ODR4: variants seen among roughly 807,000 people sequenced by gnomAD.
The protein encoded by ODR4 is protein odr-4 homolog.
In ODR4, 47 loss-of-function variants were observed where a neutral mutation model predicts 60.2. That is an observed-to-expected ratio of 0.78 (90% CI 0.62 to 1.00). The LOEUF is 1.00. Ranked by LOEUF, ODR4 falls within the 50% of genes least tolerant of loss-of-function variation. ODR4 has a pLI of 0.00. For synonymous variants in ODR4, 178 were observed against 175.5 expected (o/e 1.01, Z -0.11); for missense variants, 488 against 530.8 (o/e 0.92, Z 0.79).
Position 186,398,349 on chromosome 1 carries a change from C to T in ODR4, c.817C>T (p.Gln273Ter). The change falls in exon 10 of 14, where the codon CAG becomes TAG. Residue 273 changes from glutamine to a stop codon, truncating the protein, a stop_gained. Coordinates refer to ENST00000287859, the MANE Select transcript of ODR4 (RefSeq NM_017847.6). LOFTEE classifies it high-confidence loss of function. ...NSDHRSTATVQICSGSVNLKG... is the reference protein window; with the variant it reads ...NSDHRSTATV Reference sequence around the variant, plus strand: ...AGACCACAGATCCACAGCCACAGTCCAGATATGTAGCGGTTCTGTAAACCT... The same window carrying T: ...AGACCACAGATCCACAGCCACAGTCTAGATATGTAGCGGTTCTGTAAACCT... 1 of 1,609,542 alleles carries T rather than the reference C, an allele frequency of 6.2e-7. No individual in the cohort carries two copies. The highest frequency in any genetic ancestry group is 8.5e-7 in the Non-Finnish European group (1 of 1,177,496).
intron 2 of ODR4, among the ~76,000 whole-genome samples, chr1:186,381,400 C>T (rs1323272475): frequency 1.3e-5 from 2 of 151,514 alleles, no homozygotes; most frequent in Non-Finnish European, 2.9e-5. Flanking sequence ...AATCTCGGCT[C>T]ACTGCAGGCT....
intron 11 of ODR4, among the ~76,000 whole-genome samples, chr1:186,400,101 C>T (rs998160564): frequency 2.7e-5 from 4 of 149,158 alleles, no homozygotes; most frequent in African/African-American, 7.4e-5. Context: ...ACGCCATTCT[C>T]CTGCCTCAGC....
chr1:186,382,077 T>A (rs553416886), intron 2 of ODR4, among the ~76,000 whole-genome samples: 1 of 152,040 alleles, frequency 6.6e-6, no homozygotes, highest in African/African-American at 2.4e-5. Flanking sequence ...TATTTTTAGA[T>A]CTCCCAACTT....
At chr1:186,410,991 G>C (rs1271661844) in intron 12 of ODR4, among the ~76,000 whole-genome samples, 2 of 151,624 alleles carry the variant, frequency 1.3e-5, no homozygotes, top group Non-Finnish European at 2.9e-5. Context: ...CTCCAGCCTG[G>C]GCAACAAGAG....
intron 3 of ODR4, among the ~76,000 whole-genome samples, chr1:186,384,016 G>A (rs1660148942): frequency 6.6e-6 from 1 of 152,196 alleles, no homozygotes; most frequent in African/African-American, 2.4e-5. Flanking sequence ...TCCAGACTGG[G>A]CGACAAAGCG....
downstream of ODR4, among the ~76,000 whole-genome samples, chr1:186,424,067 A>G (rs1478549727): frequency 6.6e-6 from 1 of 152,230 alleles, no homozygotes; most frequent in Non-Finnish European, 1.5e-5. Context: ...CTACCTCTAC[A>G]TAAATGCCTT....
intron 12 of ODR4, among the ~76,000 whole-genome samples, chr1:186,408,824 A>C (rs1661268442): frequency 2.0e-5 from 3 of 151,914 alleles, no homozygotes; most frequent in Admixed American, 1.3e-4. Context: ...AAGTTACTTT[A>C]AAAGTCAGAT....
intron 10 of ODR4, 66 bp from the exon 11 acceptor site, chr1:186,398,888 A>T: frequency 1.8e-6 from 2 of 1,136,524 alleles, no homozygotes; most frequent in Admixed American, 2.8e-5. Flanking sequence ...TTTTTTTGTT[A>T]GTTAAATATT....
At chr1:186,427,113 G>T in the ODR4 span, among the ~76,000 whole-genome samples, 1 of 152,124 alleles carries the variant, frequency 6.6e-6, no homozygotes, top group Non-Finnish European at 1.5e-5. Context: ...GACTGATTAG[G>T]GTGGTGGTTG....
intron 6 of ODR4, 106 bp from the exon 7 acceptor site, chr1:186,390,605 T>C (rs890129977): frequency 1.8e-6 from 2 of 1,128,144 alleles, no homozygotes; most frequent in Admixed American, 2.0e-5. Context: ...ATGTTAGATA[T>C]GAGTTTGTAT....
intron 6 of ODR4, 109 bp from the exon 7 acceptor site, chr1:186,390,602 A>G: frequency 9.1e-7 from 1 of 1,097,324 alleles, no homozygotes; most frequent in East Asian, 2.4e-5. Flanking sequence ...TATATGTTAG[A>G]TATGAGTTTG....
intron 12 of ODR4, among the ~76,000 whole-genome samples, chr1:186,406,859 G>C (rs1233271816): frequency 6.6e-6 from 1 of 151,912 alleles, no homozygotes; most frequent in Non-Finnish European, 1.5e-5. Context: ...TTGGAAGACT[G>C]TTTGGGTTTT....
rs112648782 is a variant in ODR4 at position 186,396,859 on chromosome 1, A to G, written c.781-1454A>G. 8.3e-3 allele frequency among the ~76,000 whole-genome samples: 1,257 copies of G among 152,252 alleles called. 24 individuals carry two copies. The highest frequency in any genetic ancestry group is 0.029 in the African/African-American group (1,209 of 41,546). On this transcript the variant is annotated intron_variant, in intron 9 of 13. Coordinates refer to ENST00000287859, the MANE Select transcript of ODR4 (RefSeq NM_017847.6). Reference sequence around the variant, plus strand: ...TTATATGTTAAATATGTAAAATAGGACATTCTTTTTAGAGTAGTTTTGTCT... The same window carrying G: ...TTATATGTTAAATATGTAAAATAGGGCATTCTTTTTAGAGTAGTTTTGTCT...
chr1:186,386,705 GC>G (rs1558064645), intron 4 of ODR4, among the ~76,000 whole-genome samples: 1 of 152,110 alleles, frequency 6.6e-6, no homozygotes, highest in Non-Finnish European at 1.5e-5. Flanking sequence ...TTATGCAATA[GC>G]AGTATTCTGT....
At chr1:186,386,540 C>T (rs1370902141) in intron 4 of ODR4, among the ~76,000 whole-genome samples, 2 of 152,024 alleles carry the variant, frequency 1.3e-5, no homozygotes, top group Non-Finnish European at 2.9e-5. Context: ...ATTAAGAACT[C>T]AAAGTCACTT....
At chr1:186,377,160 G>T (rs1239078589) in intron 1 of ODR4, among the ~76,000 whole-genome samples, 1 of 152,050 alleles carries the variant, frequency 6.6e-6, no homozygotes, top group African/African-American at 2.4e-5. Flanking sequence ...CAATGTAAAT[G>T]CTATAGTTGT....
At chr1:186,383,858 T>A (rs1660139748) in intron 3 of ODR4, among the ~76,000 whole-genome samples, 1 of 151,888 alleles carries the variant, frequency 6.6e-6, no homozygotes, top group Non-Finnish European at 1.5e-5. Context: ...GCCAACATGG[T>A]GAAACCCCGT....
chr1:186,382,426 A>G (rs1660074808), intron 2 of ODR4, among the ~76,000 whole-genome samples: 2 of 151,820 alleles, frequency 1.3e-5, no homozygotes, highest in South Asian at 4.1e-4. Flanking sequence ...CCCTGTCTCT[A>G]AATAAATAAA....
intron 3 of ODR4, among the ~76,000 whole-genome samples, chr1:186,384,958 T>A (rs763962700): frequency 6.6e-6 from 1 of 152,032 alleles, no homozygotes; most frequent in Non-Finnish European, 1.5e-5. Flanking sequence ...CACTCTAATC[T>A]CTGAGTGTAG....
Sources: gnomAD v4.1 joint callset for allele counts (sites outside exome capture counted in the v4.1 genomes callset) on GRCh38, gnomAD v4.1.1 for gene constraint, MANE v1.5 for transcripts, NCBI Gene and HGNC (gene_info 2026-07-23, HGNC 2026-07-21) for gene names.